Variants in KCNG2 observed in about 807,000 individuals in gnomAD.
The protein encoded by KCNG2 is potassium voltage-gated channel modifier subfamily G member 2, also known as voltage-gated potassium channel regulatory subunit KCNG2.
KCNG2 carries 7 observed loss-of-function variants against 12.3 expected under a neutral mutation model. That is an observed-to-expected ratio of 0.57 (90% CI 0.32 to 1.07). The LOEUF is 1.07. Among genes scored for constraint, KCNG2 ranks in the 50% least tolerant of loss-of-function variants. KCNG2 has a pLI of 0.04. For missense variants in KCNG2, 703 were observed against 726.0 expected (o/e 0.97, Z 0.36); for synonymous variants, 414 against 351.4 (o/e 1.18, Z -1.99).
intron 3 of KCNG2, among the ~76,000 whole-genome samples, chr18:79,865,756 G>GTA (rs1979483837): frequency 7.5e-6 from 1 of 133,444 alleles, no homozygotes; most frequent in African/African-American, 2.7e-5. Context: ...TGAGGTCTGG[G>GTA]TGCTGAGAGG....
Position 79,803,498 on chromosome 18 carries a change from A to G in KCNG2, c.-115+5484A>G, listed in dbSNP as rs2087426627. On this transcript the variant is annotated intron_variant, in intron 1 of 3. Coordinates refer to ENST00000316249, the MANE Select transcript of KCNG2 (RefSeq NM_012283.2). This position sits in a 1 kb window ranked among gnomAD's most constrained non-coding sequence, Gnocchi z 4.5. ...AATACTTGCCAAATTAGAAACGGAA[A>G]CATTCTAGGGTGAAGAAAACAGTGG... is the stretch of plus-strand genomic sequence containing the variant. 6.6e-6 allele frequency among the ~76,000 whole-genome samples: 1 copy of G among 152,234 alleles called. No individual in the cohort carries two copies. The highest frequency in any genetic ancestry group is 1.5e-5 in the Non-Finnish European group (1 of 68,026).
intron 3 of KCNG2, among the ~76,000 whole-genome samples, chr18:79,871,263 G>A (rs1262692209): frequency 2.0e-5 from 3 of 152,366 alleles, no homozygotes; most frequent in East Asian, 1.9e-4. Flanking sequence ...AGCGCAAAAC[G>A]TGCTTGCGTC....
chr18:79,885,337 G>A (rs1980483017), intron 3 of KCNG2, among the ~76,000 whole-genome samples: 1 of 152,236 alleles, frequency 6.6e-6, no homozygotes. Context: ...TTTTGGCCAA[G>A]TAGACCAGGT....
chr18:79,873,435 C>CA (rs1555695261), intron 3 of KCNG2, among the ~76,000 whole-genome samples: 2 of 145,820 alleles, frequency 1.4e-5, no homozygotes, highest in South Asian at 4.7e-4. Context: ...CTCCCCCCCC[C>CA]CCAGCCACCT....
At chr18:79,892,334 G>T (rs1178193022) in intron 3 of KCNG2, among the ~76,000 whole-genome samples, 1 of 152,134 alleles carries the variant, frequency 6.6e-6, no homozygotes, top group Admixed American at 6.5e-5. Flanking sequence ...CGTCTACTTT[G>T]TCTATTAGTA....
chr18:79,897,433 T>C (rs965293554), intron 3 of KCNG2, among the ~76,000 whole-genome samples: 1 of 152,364 alleles, frequency 6.6e-6, no homozygotes, highest in Non-Finnish European at 1.5e-5. Context: ...TTTTTTTAAA[T>C]GTCCATCTCT....
At chr18:79,869,201 T>G (rs563001636) in intron 3 of KCNG2, among the ~76,000 whole-genome samples, 4 of 152,072 alleles carry the variant, frequency 2.6e-5, no homozygotes, top group Non-Finnish European at 5.9e-5. Flanking sequence ...GCTGGTTGCT[T>G]TCAGTGCCCG....
chr18:79,872,312 GTC>G (rs1212772500), intron 3 of KCNG2, among the ~76,000 whole-genome samples: 1 of 52,410 alleles, frequency 1.9e-5, no homozygotes, highest in African/African-American at 6.0e-5. Context: ...TTGAGATGGA[GTC>G]TCACTCTGTC....
intron 3 of KCNG2, among the ~76,000 whole-genome samples, chr18:79,879,661 G>A (rs1459184045): frequency 6.6e-6 from 1 of 152,192 alleles, no homozygotes; most frequent in East Asian, 1.9e-4. Flanking sequence ...GTCCCGCTCT[G>A]GCCTACCAGG....
At chr18:79,867,881 G>T (rs1568263614) in intron 3 of KCNG2, among the ~76,000 whole-genome samples, 1 of 152,134 alleles carries the variant, frequency 6.6e-6, no homozygotes, top group Non-Finnish European at 1.5e-5. Context: ...CTGCCTACCT[G>T]GGGGACACTC....
chr18:79,828,211 C>CA (rs1318118603), intron 1 of KCNG2, among the ~76,000 whole-genome samples: 1 of 152,232 alleles, frequency 6.6e-6, no homozygotes, highest in Non-Finnish European at 1.5e-5. Context: ...AGGCATGAGC[C>CA]ACTGCACCCA....
rs994425911 is a variant in KCNG2, at chr18:79,867,857, G to A, written c.624+3566G>A. Among the ~76,000 whole-genome samples the A allele has an allele frequency of 9.2e-5, 14 of 152,266 alleles. 2 individuals carry two copies. In the Middle Eastern group the frequency reaches 0.017, roughly 185 times the overall value. On this transcript the variant is annotated intron_variant, in intron 3 of 3. Coordinates refer to ENST00000316249, the MANE Select transcript of KCNG2 (RefSeq NM_012283.2). ...CCTCGGGGCAGAGCACCCACCGTCA[G>A]CACCGCAGAGCCCCTGCCTACCTGG...
At chr18:79,814,162 T>C (rs2087511678) in intron 1 of KCNG2, among the ~76,000 whole-genome samples, 1 of 152,224 alleles carries the variant, frequency 6.6e-6, no homozygotes, top group African/African-American at 2.4e-5. Context: ...GAATGTAAAA[T>C]GGCTCAGCAA....
rs1049113960 is a variant in KCNG2, at chr18:79,880,658, A to G, written c.624+16367A>G. On this transcript the variant is annotated intron_variant, in intron 3 of 3. Coordinates refer to ENST00000316249, the MANE Select transcript of KCNG2 (RefSeq NM_012283.2). ...GAGACATGACAAGAAAAGTAAAAAC[A>G]AAGACCAGTGTCTCCCATGAACTCA... Among the ~76,000 whole-genome samples, 5 of 152,206 alleles carry G rather than the reference A, an allele frequency of 3.3e-5. 1 individual carries two copies. The highest frequency in any genetic ancestry group is 7.2e-5 in the African/African-American group (3 of 41,436).
At chr18:79,830,968 C>G (rs112886973) in intron 1 of KCNG2, among the ~76,000 whole-genome samples, 1 of 14,072 alleles carries the variant, frequency 7.1e-5, no homozygotes, top group Non-Finnish European at 1.4e-4. Context: ...GGAGGGTTCC[C>G]TGCGGACAGA....
chr18:79,838,696 C>T (rs1048821047), intron 1 of KCNG2, among the ~76,000 whole-genome samples: 4 of 152,172 alleles, frequency 2.6e-5, no homozygotes, highest in Admixed American at 6.5e-5. Context: ...CAGGCATGAG[C>T]CACCTCACCT....
intron 1 of KCNG2, among the ~76,000 whole-genome samples, chr18:79,842,854 T>C (rs1020682714): frequency 6.6e-6 from 1 of 152,154 alleles, no homozygotes; most frequent in Non-Finnish European, 1.5e-5. Flanking sequence ...TAGAGACTTA[T>C]GGACTGCCAG....
rs111164337 is a variant in KCNG2 at position 79,885,998 on chromosome 18, A to G, written c.625-13042A>G. 9.9e-5 allele frequency among the ~76,000 whole-genome samples: 2 copies of G among 20,146 alleles called. 1 individual carries two copies. The highest frequency in any genetic ancestry group is 2.7e-4 in the Non-Finnish European group (2 of 7,438). 13.2% of individuals were successfully genotyped at this position (20,146 alleles called of 152,430 possible). On this transcript the variant is annotated intron_variant, in intron 3 of 3. Transcript: ENST00000316249. ...GGGAACATAGGGACGTGGGGACAGG[A>G]ACATGGGGACACAAGACAGGGAGAT...
At chr18:79,845,543 T>C (rs917111868) in intron 1 of KCNG2, among the ~76,000 whole-genome samples, 5 of 152,202 alleles carry the variant, frequency 3.3e-5, no homozygotes, top group African/African-American at 1.2e-4. Context: ...CCCTGCTTTG[T>C]GGATAAGAGT....
Sources: allele counts gnomAD v4.1 joint callset (sites outside exome capture counted in the v4.1 genomes callset), GRCh38; gene constraint gnomAD v4.1.1; non-coding constraint Gnocchi (gnomAD v3.1); transcripts MANE v1.5; gene names NCBI Gene and HGNC (gene_info 2026-07-23, HGNC 2026-07-21).